The following CNTNAP5 variants were observed in gnomAD, a reference collection of about 807,000 sequenced individuals.
CNTNAP5 encodes contactin-associated protein-like 5.
Under a neutral mutation model 150.2 loss-of-function variants are expected in CNTNAP5, and 72 were observed. That is an observed-to-expected ratio of 0.48 (90% CI 0.40 to 0.58). The LOEUF is 0.58. CNTNAP5 is among the 20% of genes least tolerant of loss of function. The pLI is 0.00. For synonymous variants in CNTNAP5, 672 were observed against 619.8 expected (o/e 1.08, Z -1.25); for missense variants, 1,636 against 1,626.2 (o/e 1.01, Z -0.10).
At chr2:124,331,813 G>T (rs897022113) in intron 3 of CNTNAP5, among the ~76,000 whole-genome samples, 1 of 151,890 alleles carries the variant, frequency 6.6e-6, no homozygotes, top group African/African-American at 2.4e-5. Context: ...CACAGAATGT[G>T]TCTCTCTCAC....
At chr2:124,817,673 G>C (rs80289278) in intron 19 of CNTNAP5, among the ~76,000 whole-genome samples, 1 of 152,076 alleles carries the variant, frequency 6.6e-6, no homozygotes, top group African/African-American at 2.4e-5. Context: ...TCAGTTACAC[G>C]TCTTTCCATG....
At position 124,181,683 on chromosome 2, in the gene CNTNAP5, G is replaced by A. The variant is rs78212631; in HGVS notation, c.83-40022G>A. Among the ~76,000 whole-genome samples the A allele has an allele frequency of 2.1e-4, 32 of 152,236 alleles. No homozygotes were observed. In the East Asian group the frequency reaches 5.0e-3, roughly 24 times the overall value. On this transcript the variant is annotated intron_variant, in intron 1 of 23. Coordinates refer to ENST00000682447, the MANE Select transcript of CNTNAP5 (RefSeq NM_001367498.1). ...TGTATGTACTTGAGCAAGTCATTTC[G>A]TTTTATGTGTGCTATTTCTTCCTTA...
intron 21 of CNTNAP5, among the ~76,000 whole-genome samples, chr2:124,876,727 T>A (rs1024990879): frequency 1.3e-5 from 2 of 152,132 alleles, no homozygotes; most frequent in African/African-American, 4.8e-5. Flanking sequence ...TCATACATAG[T>A]TCTTTAGTAA....
rs908310475 is a variant in CNTNAP5 at position 124,609,992 on chromosome 2, G to C, written c.1876+72G>C. The C allele has an allele frequency of 2.6e-6, 4 of 1,510,998 alleles. No individual in the cohort carries two copies. The Admixed American group carries it at 5.6e-5, about 21-fold the overall frequency. 93.6% of individuals were successfully genotyped at this position (1,510,998 alleles called of 1,614,324 possible). On this transcript the variant is annotated intron_variant, in intron 12 of 23. Coordinates refer to ENST00000682447, the MANE Select transcript of CNTNAP5 (RefSeq NM_001367498.1). Reference sequence around the variant, plus strand: ...GAAGGAAGCAAAAATAAATTCACTGGAGGGGGATACCTACGTGAATAAAAA... The same window carrying C: ...GAAGGAAGCAAAAATAAATTCACTGCAGGGGGATACCTACGTGAATAAAAA...
At chr2:124,566,171 A>T (rs1696020389) in intron 11 of CNTNAP5, among the ~76,000 whole-genome samples, 1 of 152,162 alleles carries the variant, frequency 6.6e-6, no homozygotes, top group African/African-American at 2.4e-5. Flanking sequence ...TTGTAACGTC[A>T]GTGCTGCTGT....
chr2:124,909,053 G>A (rs975120410), intron 22 of CNTNAP5, among the ~76,000 whole-genome samples: 3 of 152,062 alleles, frequency 2.0e-5, no homozygotes, highest in African/African-American at 7.2e-5. Context: ...AAGAAAAAAA[G>A]TCAATAAATG....
At position 124,446,925 on chromosome 2, in the gene CNTNAP5, C is replaced by T. The variant is rs1361960256; in HGVS notation, c.906C>T (p.Asp302=). 1 of 1,613,342 alleles carries T rather than the reference C, an allele frequency of 6.2e-7. No individual in the cohort carries two copies. Among genetic ancestry groups the T allele is most frequent in the East Asian group, 2.2e-5 (1 of 44,858 alleles). Residue 302 remains aspartate (D), a synonymous_variant, in exon 6 of 24, where the codon GAC becomes GAT. Coordinates refer to ENST00000682447, the MANE Select transcript of CNTNAP5 (RefSeq NM_001367498.1). ...CCAAGGGCGAGACGGATGCCTTAGACATTGACTATGAGGTGAGTTGATCCT... is the reference window on the plus strand; with the variant it reads ...CCAAGGGCGAGACGGATGCCTTAGATATTGACTATGAGGTGAGTTGATCCT... ...FRTKGETDAL[D]IDYELSFGGI...
chr2:124,697,866 A>G (rs1333394116), intron 13 of CNTNAP5, among the ~76,000 whole-genome samples: 1 of 152,170 alleles, frequency 6.6e-6, no homozygotes, highest in African/African-American at 2.4e-5. Flanking sequence ...TTATTTCAGC[A>G]CCCTTATCAG....
intron 8 of CNTNAP5, among the ~76,000 whole-genome samples, chr2:124,519,847 C>T (rs1694813497): frequency 6.6e-6 from 1 of 152,190 alleles, no homozygotes; most frequent in South Asian, 2.1e-4. Flanking sequence ...AAGCGCAGGG[C>T]AGCCTATTTA....
intron 16 of CNTNAP5, among the ~76,000 whole-genome samples, chr2:124,769,137 G>A (rs941699509): frequency 6.6e-6 from 1 of 152,076 alleles, no homozygotes; most frequent in African/African-American, 2.4e-5. Flanking sequence ...AGGACTGAGT[G>A]CTGGGAGAAG....
intron 3 of CNTNAP5, among the ~76,000 whole-genome samples, chr2:124,309,693 G>T (rs570872871): frequency 6.6e-6 from 1 of 152,144 alleles, no homozygotes; most frequent in Non-Finnish European, 1.5e-5. Flanking sequence ...TAGCCAGAGC[G>T]GTGCCTCCCC....
chr2:124,405,597 C>A (rs1311426688), intron 3 of CNTNAP5, among the ~76,000 whole-genome samples: 1 of 152,110 alleles, frequency 6.6e-6, no homozygotes, highest in Non-Finnish European at 1.5e-5. Flanking sequence ...GTTTTCTCAC[C>A]TTTAAAATGA....
chr2:124,624,287 G>A (rs116552063), intron 12 of CNTNAP5, among the ~76,000 whole-genome samples: 4,572 of 152,256 alleles, frequency 0.03, 82 homozygotes, highest in African/African-American at 0.044. Context: ...TCACATACCC[G>A]TTTTAGCACG....
intron 12 of CNTNAP5, among the ~76,000 whole-genome samples, chr2:124,628,002 C>T (rs1257906640): frequency 2.6e-5 from 4 of 151,976 alleles, no homozygotes; most frequent in South Asian, 4.2e-4. Context: ...TAAGGCAGGC[C>T]AACAAGATTA....
At chr2:124,558,179 T>C (rs910376292) in intron 10 of CNTNAP5, among the ~76,000 whole-genome samples, 6 of 152,210 alleles carry the variant, frequency 3.9e-5, no homozygotes, top group Non-Finnish European at 8.8e-5. Context: ...GCAGTTATTC[T>C]GGTGAGTGAT....
chr2:124,105,908 A>G (rs981696881), intron 1 of CNTNAP5, among the ~76,000 whole-genome samples: 2 of 152,146 alleles, frequency 1.3e-5, no homozygotes, highest in African/African-American at 4.8e-5. Context: ...AAAATGTTTA[A>G]TCTCACCTAT....
chr2:124,143,618 A>G (rs62163885), intron 1 of CNTNAP5, among the ~76,000 whole-genome samples: 7,904 of 71,766 alleles, frequency 0.11, 602 homozygotes, highest in Non-Finnish European at 0.15. Flanking sequence ...CTCTCAATAA[A>G]TTAGGTATTG....
chr2:124,182,542 A>G (rs1000621975), intron 1 of CNTNAP5, among the ~76,000 whole-genome samples: 1 of 152,144 alleles, frequency 6.6e-6, no homozygotes, highest in Non-Finnish European at 1.5e-5. Context: ...AAGCTTTGAA[A>G]TCTAGTTCAT....
rs1023426138 is a variant in CNTNAP5, at chr2:124,405,680, C to T, written c.382-11763C>T. Among the ~76,000 whole-genome samples, 6 of 152,162 alleles carry T rather than the reference C, an allele frequency of 3.9e-5. No individual in the cohort carries two copies. In the East Asian group the frequency reaches 7.7e-4, roughly 20 times the overall value. ...TTGATGAATGTTCTTTGTAGTTATT[C>T]GTGGCCTCACACTGTCAAGAAAAGT... On this transcript the variant is annotated intron_variant, in intron 3 of 23. Transcript: ENST00000682447.
Sources: gnomAD v4.1 joint callset for allele counts (sites outside exome capture counted in the v4.1 genomes callset) on GRCh38, gnomAD v4.1.1 for gene constraint, MANE v1.5 for transcripts, NCBI Gene and HGNC (gene_info 2026-07-23, HGNC 2026-07-21) for gene names.